ODF1: variants seen among roughly 807,000 people sequenced by gnomAD.
The protein encoded by ODF1 is outer dense fiber of sperm tails 1, also known as outer dense fiber protein 1.
ODF1 carries 10 observed loss-of-function variants against 24.0 expected under a neutral mutation model. The ratio of observed to expected loss-of-function variants is 0.42; its 90% CI spans 0.26 to 0.71. The LOEUF (loss-of-function observed/expected upper bound fraction) is 0.71, where lower values mean the gene tolerates loss of function less well. Among genes scored for constraint, ODF1 ranks in the 30% least tolerant of loss-of-function variants. The pLI, the probability that ODF1 is intolerant of heterozygous loss-of-function variation, is 0.28. For missense variants in ODF1, 282 were observed against 307.9 expected (o/e 0.92, Z 0.63); for synonymous variants, 118 against 121.3 (o/e 0.97, Z 0.18).
chr8:102,552,208 G>A (rs991633854), intron 1 of ODF1, among the ~76,000 whole-genome samples, 161 bp downstream of exon 1: 5 of 152,012 alleles, frequency 3.3e-5, no homozygotes, highest in Admixed American at 6.6e-5. Context: ...GAGTAAATGA[G>A]TCCATGATGG....
rs540488283 is a variant in ODF1, at chr8:102,560,432, A to C, written c.321-20A>C. The C allele has an allele frequency of 6.2e-7, 1 of 1,608,986 alleles. No homozygotes were observed. The highest frequency in any genetic ancestry group is 8.5e-7 in the Non-Finnish European group (1 of 1,175,792). On this transcript the variant is annotated intron_variant, in intron 1 of 1. Coordinates refer to ENST00000285402, the MANE Select transcript of ODF1 (RefSeq NM_024410.4). ...TGAGGTCTGAGCTCCCTCCCACCCT[A>C]TCCCTTTTCTCAATTCCAGACTGAG...
chr8:102,558,950 A>G (rs1279668225), intron 1 of ODF1, among the ~76,000 whole-genome samples: 1 of 151,580 alleles, frequency 6.6e-6, no homozygotes, highest in Non-Finnish European at 1.5e-5. Context: ...TCAACATACA[A>G]AAGTGATATA....
chr8:102,554,165 A>G (rs1164086492), intron 1 of ODF1, among the ~76,000 whole-genome samples: 5 of 152,334 alleles, frequency 3.3e-5, no homozygotes, highest in African/African-American at 1.2e-4. Context: ...TCAGTCCCAG[A>G]AGGCCCCCAG....
At position 102,551,885 on chromosome 8, in the gene ODF1, C is replaced by T. The variant is rs1295913312; in HGVS notation, c.158C>T (p.Pro53Leu). Residue 53 changes from proline (P) to leucine (L), a missense_variant, in exon 1 of 2, where the codon CCG becomes CTG. Transcript: ENST00000285402. ...TGCTGCTGTGACTTGCACCCATATC[C>T]GTACTGCTTGTGCTATTCCAAGCGA... ...PYCCCDLHPY[P>L]YCLCYSKRSR... The T allele has an allele frequency of 1.9e-6, 3 of 1,614,110 alleles. No homozygotes were observed. Among genetic ancestry groups the T allele is most frequent in the South Asian group, 1.1e-5 (1 of 91,078 alleles).
At chr8:102,559,026 T>G (rs1441994156) in intron 1 of ODF1, among the ~76,000 whole-genome samples, 2 of 149,660 alleles carry the variant, frequency 1.3e-5, no homozygotes, top group Non-Finnish European at 2.9e-5. Context: ...TTTAACATGC[T>G]TAGCACCTTC....
rs1554684407 is a variant in ODF1 at position 102,553,008 on chromosome 8, A to ATAGATAGATAGATAGT, written c.320+970_320+971insAGATAGTTAGATAGAT. Among the ~76,000 whole-genome samples, 1,027 of 113,248 alleles carry ATAGATAGATAGATAGT rather than the reference A, an allele frequency of 9.1e-3. 13 individuals carry two copies. The highest frequency in any genetic ancestry group is 0.032 in the African/African-American group (940 of 28,946). The allele number at this position is 113,248 out of a possible 152,430, so 74.3% of individuals were successfully genotyped here. On this transcript the variant is annotated intron_variant, in intron 1 of 1. Transcript: ENST00000285402. ...GATAGATAGATAGATAGATAGATAG[A>ATAGATAGATAGATAGT]TAGATAGATGATAGATAGATAGAGT...
intron 1 of ODF1, among the ~76,000 whole-genome samples, chr8:102,552,769 A>T (rs1349787170): frequency 6.6e-6 from 1 of 152,206 alleles, no homozygotes; most frequent in Non-Finnish European, 1.5e-5. Context: ...TTGCCTGGAG[A>T]AAACTTTCCT....
In ODF1 at chr8:102,560,442, TC is replaced by T. The variant is rs1826164499; in HGVS notation, c.321-9del. ...GCTCCCTCCCACCCTATCCCTTTTC[TC>T]AATTCCAGACTGAGAAGAACAACAA... On this transcript the variant is annotated splice_polypyrimidine_tract_variant and intron_variant, in intron 1 of 1. Transcript: ENST00000285402. The T allele has an allele frequency of 1.2e-6, 2 of 1,610,294 alleles. No individual in the cohort carries two copies. Among genetic ancestry groups the T allele is most frequent in the Non-Finnish European group, 1.7e-6 (2 of 1,176,674 alleles).
chr8:102,551,957 A>T lies in ODF1; in HGVS notation c.230A>T (p.Asp77Val). 2 of 1,614,160 alleles carry T rather than the reference A, an allele frequency of 1.2e-6. No individual in the cohort carries two copies. Among genetic ancestry groups the T allele is most frequent in the Non-Finnish European group, 1.7e-6 (2 of 1,180,026 alleles). The change falls in exon 1 of 2, where the codon GAT (aspartate) becomes GTT (valine). Residue 77 changes from aspartate to valine, a missense_variant. By Grantham distance (152) the Asp-to-Val change is radical. Transcript: ENST00000285402. Reference protein sequence around the residue: ...LCDLYPCCLCDYKLYCLRPSL... With the variant: ...LCDLYPCCLCVYKLYCLRPSL... ...GATCTCTACCCATGTTGCCTGTGTG[A>T]TTATAAGCTTTACTGTCTGCGACCA...
intron 1 of ODF1, among the ~76,000 whole-genome samples, chr8:102,553,010 AGATAGATG>A (rs777133247): frequency 0.053 from 6,075 of 115,050 alleles, 239 homozygotes; most frequent in South Asian, 0.2. Context: ...ATAGATAGAT[AGATAGATG>A]ATAGATAGAT....
intron 1 of ODF1, among the ~76,000 whole-genome samples, chr8:102,552,977 CAGATAGATAGATAGAT>C (rs71574062): frequency 7.3e-6 from 1 of 136,086 alleles, no homozygotes; most frequent in East Asian, 2.1e-4. Flanking sequence ...AGACAGATGA[CAGATAGATAGATAGAT>C]AGATAGATAG....
At chr8:102,552,483 T>C (rs530213758) in intron 1 of ODF1, among the ~76,000 whole-genome samples, 2 of 152,236 alleles carry the variant, frequency 1.3e-5, no homozygotes, top group East Asian at 3.9e-4. Flanking sequence ...CCAGAGGCTT[T>C]ACAAGCAGGA....
chr8:102,554,409 G>T (rs1202747549), intron 1 of ODF1, among the ~76,000 whole-genome samples: 3 of 152,152 alleles, frequency 2.0e-5, no homozygotes, highest in Non-Finnish European at 4.4e-5. Context: ...CAGATGGCAG[G>T]CTGTGTTGTC....
chr8:102,560,134 A>C (rs566084163), intron 1 of ODF1, among the ~76,000 whole-genome samples: 1 of 151,390 alleles, frequency 6.6e-6, no homozygotes. Context: ...AGATGAGGAA[A>C]CTGAGGTACA....
At chr8:102,552,376 T>C (rs1826052307) in intron 1 of ODF1, among the ~76,000 whole-genome samples, 1 of 152,010 alleles carries the variant, frequency 6.6e-6, no homozygotes, top group Non-Finnish European at 1.5e-5. Context: ...AAACTAAACA[T>C]TTTTCCTGGT....
intron 1 of ODF1, among the ~76,000 whole-genome samples, chr8:102,552,701 G>C (rs538895442): frequency 6.6e-6 from 1 of 152,028 alleles, no homozygotes; most frequent in South Asian, 2.1e-4. Flanking sequence ...AATTGAATTG[G>C]GTAATTAAAA....
chr8:102,552,725 T>TA (rs1397342646), intron 1 of ODF1, among the ~76,000 whole-genome samples: 4 of 152,228 alleles, frequency 2.6e-5, no homozygotes, highest in African/African-American at 9.6e-5. Context: ...GTCAGTTTTT[T>TA]AAAAAAATTT....
rs776913439 is a variant in ODF1, at chr8:102,560,611, C to T, written c.480C>T (p.Cys160=). 5 of 1,614,178 alleles carry T rather than the reference C, an allele frequency of 3.1e-6. No homozygotes were observed. In the South Asian group the frequency reaches 3.3e-5, roughly 11 times the overall value. Residue 160 remains cysteine (C), a synonymous_variant, in exon 2 of 2, where the codon TGC becomes TGT. Transcript: ENST00000285402. Reference sequence around the variant, plus strand: ...CTGAGCGGGAGAACAGGTACGACTGCCTTGGATCGAAAAAGTACAGCTACA... The same window carrying T: ...CTGAGCGGGAGAACAGGTACGACTGTCTTGGATCGAAAAAGTACAGCTACA... ...VSAERENRYD[C]LGSKKYSYMN... is the part of the protein sequence containing the mutation.
At chr8:102,554,960 A>AAAAT (rs763561619) in intron 1 of ODF1, among the ~76,000 whole-genome samples, 39 of 152,280 alleles carry the variant, frequency 2.6e-4, no homozygotes, top group Non-Finnish European at 4.4e-4. Context: ...CCTGTTTCAA[A>AAAAT]AAATAAATAA....
Sources: gnomAD v4.1 joint callset for allele counts (sites outside exome capture counted in the v4.1 genomes callset) on GRCh38, gnomAD v4.1.1 for gene constraint, MANE v1.5 for transcripts, NCBI Gene and HGNC (gene_info 2026-07-23, HGNC 2026-07-21) for gene names.